TENM3: variants seen among roughly 807,000 people sequenced by gnomAD.
The protein encoded by TENM3 is teneurin-3.
A neutral mutation model predicts 255.1 loss-of-function variants in TENM3; 63 were observed. The observed-to-expected ratio is 0.25, with a 90% CI of 0.20 to 0.30. TENM3 has a LOEUF of 0.30. Ranked by LOEUF, TENM3 falls within the 10% of genes least tolerant of loss-of-function variation. TENM3 has a pLI of 1.00. For missense variants in TENM3, 2,929 were observed against 3,461.1 expected (o/e 0.85, Z 3.86); for synonymous variants, 1,306 against 1,322.3 (o/e 0.99, Z 0.27).
the TENM3 span, among the ~76,000 whole-genome samples, chr4:181,871,189 AT>A: frequency 7.0e-6 from 1 of 143,438 alleles, no homozygotes; most frequent in Admixed American, 7.0e-5. Context: ...AAGTCCCCCA[AT>A]TTTATTCTTC....
chr4:182,744,967 CAATGTTTTA>C (rs1333829380), intron 19 of TENM3, among the ~76,000 whole-genome samples: 1 of 151,542 alleles, frequency 6.6e-6, no homozygotes, highest in Non-Finnish European at 1.5e-5. Context: ...CGGAGGAAAC[CAATGTTTTA>C]AAGTAAAGCT....
chr4:181,927,240 C>A, the TENM3 span, among the ~76,000 whole-genome samples: 2 of 152,222 alleles, frequency 1.3e-5, no homozygotes, highest in Admixed American at 6.5e-5. Flanking sequence ...CGGATCCCAC[C>A]CTCACGGAAC....
At chr4:182,535,301 T>A (rs918408057) in intron 3 of TENM3, among the ~76,000 whole-genome samples, 14 of 152,252 alleles carry the variant, frequency 9.2e-5, no homozygotes, top group South Asian at 2.1e-4. Context: ...ATTTTGATAC[T>A]TGTTCTGAAA....
chr4:182,389,395 AAAAAG>A (rs1324895762), intron 3 of TENM3, among the ~76,000 whole-genome samples: 3 of 152,140 alleles, frequency 2.0e-5, no homozygotes, highest in Non-Finnish European at 4.4e-5. Context: ...AAAAAAAAAA[AAAAAG>A]AACTATGCCC....
At position 182,247,094 on chromosome 4, in the gene TENM3, A is replaced by T. The variant is rs555360066; in HGVS notation, c.-76+3618A>T. Among the ~76,000 whole-genome samples the T allele has an allele frequency of 1.6e-4, 24 of 152,356 alleles. 1 individual carries two copies. The South Asian group carries it at 5.0e-3, about 32-fold the overall frequency. On this transcript the variant is annotated intron_variant, in intron 1 of 27. Coordinates refer to ENST00000511685, the MANE Select transcript of TENM3 (RefSeq NM_001080477.4). ...ACACCAGAAATGGTGTTTTTGAAGG[A>T]CAGAAAAATATGAGTCGAGCTAGAA...
At chr4:182,234,237 C>T (rs1015800061) in intron 1 of TENM3, among the ~76,000 whole-genome samples, 23 of 152,224 alleles carry the variant, frequency 1.5e-4, no homozygotes, top group African/African-American at 5.1e-4. Flanking sequence ...CACAAAAGTT[C>T]GTTCATCCAC....
intron 3 of TENM3, among the ~76,000 whole-genome samples, chr4:182,442,433 C>T (rs186596530): frequency 3.3e-5 from 5 of 152,306 alleles, no homozygotes; most frequent in Non-Finnish European, 1.5e-5. Context: ...CTATGCACGG[C>T]TATTGCCACT....
In TENM3 at chr4:182,789,070, T is replaced by C; in HGVS notation, c.5305-23T>C. 6.3e-7 allele frequency: 1 copy of C among 1,575,348 alleles called. No homozygotes were observed. On this transcript the variant is annotated intron_variant, in intron 24 of 27. Transcript: ENST00000511685. This position sits in a 1 kb window ranked among gnomAD's most constrained non-coding sequence, Gnocchi z 4.4. ...TGTTGGAATAACATGATTTATTTTA[T>C]CATCTTGTTGGTGTTGTAACAGGTT...
Position 182,671,795 on chromosome 4 carries a change from C to A in TENM3, c.1112-1210C>A, listed in dbSNP as rs570965814. Among the ~76,000 whole-genome samples the A allele has an allele frequency of 3.3e-5, 5 of 152,310 alleles. No individual in the cohort carries two copies. In the South Asian group the frequency reaches 1.0e-3, roughly 32 times the overall value. The stretch of plus-strand genomic sequence containing the variant: ...CACTGAGATGAGATAGCTTACAGCT[C>A]AGACTTAAAATCACTTCCTCTGCGT... On this transcript the variant is annotated intron_variant, in intron 6 of 27. Coordinates refer to ENST00000511685, the MANE Select transcript of TENM3 (RefSeq NM_001080477.4).
the TENM3 span, among the ~76,000 whole-genome samples, chr4:181,714,706 A>G: frequency 6.6e-6 from 1 of 152,194 alleles, no homozygotes; most frequent in Non-Finnish European, 1.5e-5. Flanking sequence ...TTGATGCTGG[A>G]GTTCTTTTTT....
intron 1 of TENM3, among the ~76,000 whole-genome samples, chr4:182,194,099 G>T (rs1479542842): frequency 6.6e-6 from 1 of 152,154 alleles, no homozygotes; most frequent in African/African-American, 2.4e-5. Flanking sequence ...AAAACATATT[G>T]TGTAAATAAT....
intron 1 of TENM3, among the ~76,000 whole-genome samples, chr4:182,277,152 C>A (rs1251728148): frequency 6.6e-6 from 1 of 152,146 alleles, no homozygotes; most frequent in Non-Finnish European, 1.5e-5. Flanking sequence ...AAGCATAAAC[C>A]AGGCAATAAT....
chr4:181,494,982 T>G, the TENM3 span, among the ~76,000 whole-genome samples: 1 of 152,184 alleles, frequency 6.6e-6, no homozygotes, highest in South Asian at 2.1e-4. Flanking sequence ...TTATTTTTTC[T>G]TGCATGTTCA....
rs893984813 is a variant in TENM3 at position 182,800,337 on chromosome 4, A to T, written c.8086A>T (p.Ile2696Phe). ...NNIQFLRQSE[I>F]GRR ...CATCCAGTTCCTGCGGCAGAGCGAGATCGGCAGGAGGTAACGCCCGGGCCG... is the reference window on the plus strand; with the variant it reads ...CATCCAGTTCCTGCGGCAGAGCGAGTTCGGCAGGAGGTAACGCCCGGGCCG... The change falls in exon 28 of 28, where the codon ATC becomes TTC. Residue 2696 changes from isoleucine (I) to phenylalanine (F), a missense_variant. By Grantham distance (21) the Ile-to-Phe change is conservative. Transcript: ENST00000511685. 2 of 1,582,652 alleles carry T rather than the reference A, an allele frequency of 1.3e-6. No homozygotes were observed. The highest frequency in any genetic ancestry group is 2.3e-5 in the East Asian group (1 of 43,894).
intron 1 of TENM3, among the ~76,000 whole-genome samples, chr4:182,278,870 C>T (rs954566330): frequency 1.3e-5 from 2 of 152,166 alleles, no homozygotes; most frequent in East Asian, 3.9e-4. Context: ...CTATGTCATG[C>T]GCTGCGGGCT....
the TENM3 span, among the ~76,000 whole-genome samples, chr4:182,048,372 A>C: frequency 6.6e-6 from 1 of 152,202 alleles, no homozygotes; most frequent in South Asian, 2.1e-4. Context: ...CGTTTTCCTA[A>C]GAATAACACC....
chr4:182,380,920 ACCT>A (rs1241822598), intron 3 of TENM3, among the ~76,000 whole-genome samples: 1 of 151,852 alleles, frequency 6.6e-6, no homozygotes, highest in African/African-American at 2.4e-5. Context: ...CTCATATGAA[ACCT>A]CCTCTTGTTT....
At chr4:181,730,199 G>A in the TENM3 span, among the ~76,000 whole-genome samples, 1 of 152,158 alleles carries the variant, frequency 6.6e-6, no homozygotes, top group African/African-American at 2.4e-5. Context: ...TATAGCCCAT[G>A]TGCACTTTGG....
the TENM3 span, among the ~76,000 whole-genome samples, chr4:181,559,739 G>A: frequency 0.11 from 16,155 of 152,106 alleles, 916 homozygotes; most frequent in Middle Eastern, 0.17. Flanking sequence ...CATGCCCTGT[G>A]CCTTTGCCCC....
Sources: gnomAD v4.1 joint callset for allele counts (sites outside exome capture counted in the v4.1 genomes callset) on GRCh38, gnomAD v4.1.1 for gene constraint, Gnocchi (gnomAD v3.1) non-coding constraint, MANE v1.5 for transcripts, NCBI Gene and HGNC (gene_info 2026-07-23, HGNC 2026-07-21) for gene names.